Variants in ADAMTS20 observed in about 807,000 individuals in gnomAD.
ADAMTS20 encodes A disintegrin and metalloproteinase with thrombospondin motifs 20.
A neutral mutation model predicts 260.1 loss-of-function variants in ADAMTS20; 225 were observed. The observed-to-expected ratio is 0.87, with a 90% CI of 0.78 to 0.97. The LOEUF (loss-of-function observed/expected upper bound fraction) is 0.97. ADAMTS20 is among the 50% of genes least tolerant of loss of function. The pLI, the probability that ADAMTS20 is intolerant of heterozygous loss-of-function variation, is 0.00. For synonymous variants in ADAMTS20, 802 were observed against 769.5 expected (o/e 1.04, Z -0.70); for missense variants, 2,400 against 2,337.7 (o/e 1.03, Z -0.55).
In ADAMTS20 at chr12:43,376,311, G is replaced by A. The variant is rs1460695883; in HGVS notation, c.5145C>T (p.Cys1715=). The A allele has an allele frequency of 5.2e-6, 8 of 1,553,044 alleles. No homozygotes were observed. The South Asian group carries it at 9.5e-5, about 18-fold the overall frequency. Residue 1715 remains cysteine (C), a synonymous_variant, in exon 34 of 39, where the codon TGC becomes TGT. Transcript: ENST00000389420. Reference sequence around the variant, plus strand: ...TGTGGTTTTTCACTTGAATTTCTTTGCAGGTGGTAAATGATTTACCTTCAA... The same window carrying A: ...TGTGGTTTTTCACTTGAATTTCTTTACAGGTGGTAAATGATTTACCTTCAA... The part of the protein sequence containing the change: ...YANDCKSFTT[C]KEIQVKNHIR...
chr12:43,375,171 T>G (rs1341206337), intron 36 of ADAMTS20, among the ~76,000 whole-genome samples: 2 of 35,028 alleles, frequency 5.7e-5, no homozygotes, highest in African/African-American at 2.0e-4. Flanking sequence ...CAACTGCGTC[T>G]CAAAAAAAAA....
intron 28 of ADAMTS20, among the ~76,000 whole-genome samples, chr12:43,421,808 A>G (rs1464435168): frequency 6.6e-6 from 1 of 152,100 alleles, no homozygotes; most frequent in Non-Finnish European, 1.5e-5. Context: ...AATATTATGT[A>G]AAAAATACAG....
At chr12:43,514,111 G>T (rs1417426709) in intron 3 of ADAMTS20, among the ~76,000 whole-genome samples, 23 of 128,130 alleles carry the variant, frequency 1.8e-4, no homozygotes, top group Non-Finnish European at 2.8e-4. Flanking sequence ...AAAAAAAAAA[G>T]TGAGGGATCA....
At chr12:43,547,549 A>T (rs1355351779) in intron 2 of ADAMTS20, among the ~76,000 whole-genome samples, 3 of 152,304 alleles carry the variant, frequency 2.0e-5, no homozygotes, top group East Asian at 1.9e-4. Context: ...CCCTACACAC[A>T]TCAAATTTAG....
intron 4 of ADAMTS20, among the ~76,000 whole-genome samples, chr12:43,498,748 T>G (rs1011278683): frequency 6.6e-6 from 1 of 152,152 alleles, no homozygotes; most frequent in Non-Finnish European, 1.5e-5. Context: ...TGGACTGGAT[T>G]TGATCGCTAC....
intron 37 of ADAMTS20, among the ~76,000 whole-genome samples, chr12:43,360,108 C>T (rs1046077487): frequency 6.6e-5 from 10 of 152,136 alleles, no homozygotes; most frequent in South Asian, 4.1e-4. Context: ...AAAACTCAAC[C>T]GTAAGGAAAC....
At chr12:43,382,088 C>CA (rs1473758627) in intron 31 of ADAMTS20, among the ~76,000 whole-genome samples, 4 of 152,020 alleles carry the variant, frequency 2.6e-5, no homozygotes, top group African/African-American at 7.2e-5. Flanking sequence ...GGCAGTTCCT[C>CA]AAAATATTAA....
At chr12:43,440,963 G>A (rs1323961318) in intron 16 of ADAMTS20, among the ~76,000 whole-genome samples, 1 of 151,904 alleles carries the variant, frequency 6.6e-6, no homozygotes, top group African/African-American at 2.4e-5. Flanking sequence ...TACTCCGGAG[G>A]CTGAGGCAGG....
chr12:43,453,420 C>A (rs1427313906), intron 12 of ADAMTS20, among the ~76,000 whole-genome samples: 1 of 151,992 alleles, frequency 6.6e-6, no homozygotes, highest in Non-Finnish European at 1.5e-5. Context: ...GGGAGATATG[C>A]TTTAGTACTT....
rs1201071091 is a variant in ADAMTS20, at chr12:43,456,954, C to T, written c.1615-2902G>A. On this transcript the variant is annotated intron_variant, in intron 11 of 38. Transcript: ENST00000389420. Reference sequence around the variant, plus strand: ...TTTACTGAAACTAGAGACAAGGAGGCAAAAAGAACCAGGAAGTTAAACTTT... The same window carrying T: ...TTTACTGAAACTAGAGACAAGGAGGTAAAAAGAACCAGGAAGTTAAACTTT... 4.6e-5 allele frequency among the ~76,000 whole-genome samples: 7 copies of T among 151,976 alleles called. No homozygotes were observed. The South Asian group carries it at 1.5e-3, about 32-fold the overall frequency.
chr12:43,397,884 A>G (rs1387439514), intron 29 of ADAMTS20, among the ~76,000 whole-genome samples: 1 of 152,208 alleles, frequency 6.6e-6, no homozygotes, highest in Non-Finnish European at 1.5e-5. Context: ...TTTTTACTCA[A>G]TTTGGAAGGC....
intron 2 of ADAMTS20, among the ~76,000 whole-genome samples, chr12:43,534,430 A>T (rs1943265710): frequency 6.6e-6 from 1 of 152,220 alleles, no homozygotes; most frequent in Non-Finnish European, 1.5e-5. Context: ...CACATTAACA[A>T]TGTATTTGCC....
At chr12:43,475,343 A>T (rs1266374948) in intron 7 of ADAMTS20, among the ~76,000 whole-genome samples, 3 of 135,714 alleles carry the variant, frequency 2.2e-5, no homozygotes, top group Non-Finnish European at 4.7e-5. Flanking sequence ...ATAAAAGAGG[A>T]TACAAACAAA....
Position 43,384,790 on chromosome 12 carries a change from CT to C in ADAMTS20, c.4453-814del, listed in dbSNP as rs568799668. 9.5e-4 allele frequency among the ~76,000 whole-genome samples: 144 copies of C among 152,178 alleles called. 2 individuals are homozygous for C. Among genetic ancestry groups the C allele is most frequent in the African/African-American group, 2.7e-3 (110 of 41,500 alleles). On this transcript the variant is annotated intron_variant, in intron 29 of 38. Coordinates refer to ENST00000389420, the MANE Select transcript of ADAMTS20 (RefSeq NM_025003.5). The stretch of plus-strand genomic sequence containing the variant: ...TCCCTGCAAAGGACATGAACTCATC[CT>C]TTTTTTATAGCTGCATAGTATTCCA...
chr12:43,452,912 C>T (rs1229399545), intron 12 of ADAMTS20, among the ~76,000 whole-genome samples: 2 of 152,050 alleles, frequency 1.3e-5, no homozygotes, highest in Admixed American at 6.6e-5. Context: ...AGGGCAGAAA[C>T]GATACCTTAT....
At chr12:43,429,527 T>C (rs1027671058) in intron 24 of ADAMTS20, 90 bp downstream of exon 24, 8 of 869,112 alleles carry the variant, frequency 9.2e-6, no homozygotes, top group African/African-American at 1.7e-5. Flanking sequence ...AGAATAAATG[T>C]ATACATTGTG....
In ADAMTS20 at chr12:43,427,445, G is replaced by A; in HGVS notation, c.3970C>T (p.Leu1324Phe). ...GSCSSSCSGG[L>F]QHRAVVCQDE... ...TGGCAGACCACAGCCCTATGCTGAA[G>A]ACCTCCAGAACAACTGCTGGAGCAC... Residue 1324 changes from leucine to phenylalanine, a missense_variant, in exon 27 of 39, where the codon CTT becomes TTT. Coordinates refer to ENST00000389420, the MANE Select transcript of ADAMTS20 (RefSeq NM_025003.5). 6.2e-7 allele frequency: 1 copy of A among 1,612,508 alleles called. No individual in the cohort carries two copies.
chr12:43,502,332 T>A lies in ADAMTS20; in HGVS notation c.687A>T (p.Lys229Asn). 1.9e-6 allele frequency: 3 copies of A among 1,610,650 alleles called. No individual in the cohort carries two copies. The East Asian group carries it at 6.7e-5, about 36-fold the overall frequency. ...SNMNEDLNVMKERVLGHTSKN... is the reference protein window; with the variant it reads ...SNMNEDLNVMNERVLGHTSKN... ...TTGATGTGTGTCCTAAAACTCTTTC[T>A]TTCATTACATTAAGATCTTCATTCA... The change falls in exon 4 of 39, where the codon AAA becomes AAT. Residue 229 changes from lysine (K) to asparagine (N), a missense_variant. Coordinates refer to ENST00000389420, the MANE Select transcript of ADAMTS20 (RefSeq NM_025003.5).
intron 7 of ADAMTS20, among the ~76,000 whole-genome samples, chr12:43,478,142 A>T (rs928969896): frequency 1.3e-5 from 2 of 152,178 alleles, no homozygotes; most frequent in African/African-American, 4.8e-5. Context: ...AAGAAAATGA[A>T]ATTCAATTAA....
Sources: allele counts gnomAD v4.1 joint callset (sites outside exome capture counted in the v4.1 genomes callset), GRCh38; gene constraint gnomAD v4.1.1; transcripts MANE v1.5; gene names NCBI Gene and HGNC (gene_info 2026-07-23, HGNC 2026-07-21).